VAT1L: variants seen among roughly 807,000 people sequenced by gnomAD.
VAT1L encodes the protein putative NADPH-dependent quinone oxidoreductase VAT1L.
A neutral mutation model predicts 44.1 loss-of-function variants in VAT1L; 34 were observed. That is an observed-to-expected ratio of 0.77 (90% confidence interval 0.59 to 1.03). VAT1L has a LOEUF of 1.03. Among genes scored for constraint, VAT1L ranks in the 50% least tolerant of loss-of-function variants. The pLI is 0.00. For synonymous variants in VAT1L, 253 were observed against 202.2 expected (o/e 1.25, Z -2.13); for missense variants, 615 against 538.8 (o/e 1.14, Z -1.40).
chr16:77,823,906 C>T (rs1251004515), intron 2 of VAT1L, among the ~76,000 whole-genome samples: 2 of 151,986 alleles, frequency 1.3e-5, no homozygotes, highest in Admixed American at 1.3e-4. Flanking sequence ...GCCTGTAATC[C>T]GAGCTACTTG....
chr16:77,888,599 T>C (rs1444320815), intron 7 of VAT1L, among the ~76,000 whole-genome samples: 1 of 152,306 alleles, frequency 6.6e-6, no homozygotes, highest in East Asian at 1.9e-4. Context: ...CTGGGCATGA[T>C]TGAGATTTTG....
At chr16:77,802,615 A>AAC (rs57906062) in intron 1 of VAT1L, among the ~76,000 whole-genome samples, 6,083 of 111,754 alleles carry the variant, frequency 0.054, 186 homozygotes, top group Non-Finnish European at 0.071. Context: ...CCCCATCTCA[A>AAC]ACACACACAC....
chr16:77,903,999 GT>G (rs2017412663), intron 7 of VAT1L, among the ~76,000 whole-genome samples: 1 of 151,904 alleles, frequency 6.6e-6, no homozygotes. Flanking sequence ...GCCTCCCAAA[GT>G]TCTGAGATTA....
chr16:77,899,522 C>T (rs967188218), intron 7 of VAT1L, among the ~76,000 whole-genome samples: 1 of 152,250 alleles, frequency 6.6e-6, no homozygotes, highest in African/African-American at 2.4e-5. Context: ...AAACTGCATG[C>T]TGTGTATGGA....
chr16:77,800,322 A>T (rs532580350), intron 1 of VAT1L: 1 of 152,210 alleles, frequency 6.6e-6, no homozygotes, highest in South Asian at 2.1e-4. Context: ...AGAACCTGCC[A>T]TGCAGGCCCA....
chr16:77,828,036 A>AT (rs2016542603), intron 3 of VAT1L, among the ~76,000 whole-genome samples: 1 of 152,216 alleles, frequency 6.6e-6, no homozygotes, highest in South Asian at 2.1e-4. Context: ...GTCTCTTTGA[A>AT]TAGCGTTCTC....
rs766794432 is a variant in VAT1L, at chr16:77,816,940, T to C, written c.253T>C (p.Leu85=). 15 of 1,613,718 alleles carry C rather than the reference T, an allele frequency of 9.3e-6. No homozygotes were observed. Among genetic ancestry groups the C allele is most frequent in the Non-Finnish European group, 1.3e-5 (15 of 1,179,866 alleles). ...VKACGLNFID[L]MVRQGNIDNP... ...TTACAGTGGATTAAACTTCATTGAC[T>C]TGATGGTGCGACAAGGGAATATTGA... is the stretch of plus-strand genomic sequence containing the variant. The change falls in exon 2 of 9, where the codon TTG becomes CTG. Residue 85 remains leucine, a synonymous_variant. Coordinates refer to ENST00000302536, the MANE Select transcript of VAT1L (RefSeq NM_020927.3).
At chr16:77,928,367 ATTAT>A (rs2017692251) in intron 7 of VAT1L, among the ~76,000 whole-genome samples, 1 of 152,224 alleles carries the variant, frequency 6.6e-6, no homozygotes, top group Admixed American at 6.5e-5. Context: ...TGTGACTGCT[ATTAT>A]TTCTCTCTTA....
At chr16:77,914,532 G>C (rs2017531769) in intron 7 of VAT1L, among the ~76,000 whole-genome samples, 1 of 152,072 alleles carries the variant, frequency 6.6e-6, no homozygotes, top group Non-Finnish European at 1.5e-5. Context: ...GGAAAAAAAT[G>C]TAAATAACGC....
At position 77,926,719 on chromosome 16, in the gene VAT1L, C is replaced by T. The variant is rs181927665; in HGVS notation, c.1077+41917C>T. ...TCACAGTCCTCACCAACCTCTATGC[C>T]CCACTAATGACTCTTCTGAGCAAAT... On this transcript the variant is annotated intron_variant, in intron 7 of 8. Transcript: ENST00000302536. 3.9e-5 allele frequency among the ~76,000 whole-genome samples: 6 copies of T among 152,180 alleles called. No individual in the cohort carries two copies. The East Asian group carries it at 7.7e-4, about 20-fold the overall frequency.
intron 4 of VAT1L, among the ~76,000 whole-genome samples, chr16:77,875,515 T>C (rs1471589250): frequency 2.0e-5 from 3 of 152,160 alleles, no homozygotes; most frequent in African/African-American, 7.2e-5. Context: ...CCCCACAATC[T>C]CCAGAGTCTT....
intron 5 of VAT1L, 61 bp downstream of exon 5, chr16:77,876,534 C>T (rs768982252): frequency 1.0e-5 from 15 of 1,453,538 alleles, no homozygotes; most frequent in Non-Finnish European, 1.4e-5. Context: ...TATGTGCCTG[C>T]AAAGGCTCTG....
intron 7 of VAT1L, among the ~76,000 whole-genome samples, chr16:77,906,545 G>A (rs920822116): frequency 2.0e-5 from 3 of 152,216 alleles, no homozygotes; most frequent in African/African-American, 7.2e-5. Context: ...AAGTGAGGGA[G>A]AAGAAGAGCA....
chr16:77,860,097 G>T (rs2016900953), intron 3 of VAT1L, among the ~76,000 whole-genome samples: 1 of 152,168 alleles, frequency 6.6e-6, no homozygotes, highest in African/African-American at 2.4e-5. Flanking sequence ...ACATCTACAA[G>T]CCGAGGAGAA....
At chr16:77,829,780 C>G (rs2016559904) in intron 3 of VAT1L, among the ~76,000 whole-genome samples, 1 of 152,128 alleles carries the variant, frequency 6.6e-6, no homozygotes, top group Non-Finnish European at 1.5e-5. Flanking sequence ...CGGGTGTGCT[C>G]AGTTTCTGGA....
At chr16:77,838,015 T>C (rs987076169) in intron 3 of VAT1L, among the ~76,000 whole-genome samples, 1 of 152,234 alleles carries the variant, frequency 6.6e-6, no homozygotes, top group Non-Finnish European at 1.5e-5. Flanking sequence ...CTCATCTCCC[T>C]TGGTCTATCT....
At chr16:77,905,222 T>C (rs1325877054) in intron 7 of VAT1L, among the ~76,000 whole-genome samples, 1 of 152,204 alleles carries the variant, frequency 6.6e-6, no homozygotes, top group Non-Finnish European at 1.5e-5. Context: ...TGCAATAATT[T>C]TCCTATGGCT....
intron 7 of VAT1L, among the ~76,000 whole-genome samples, chr16:77,889,825 G>A (rs991401121): frequency 6.6e-6 from 1 of 152,208 alleles, no homozygotes; most frequent in Non-Finnish European, 1.5e-5. Context: ...AGTGGCTTAT[G>A]CCTGTAATCC....
intron 1 of VAT1L, among the ~76,000 whole-genome samples, chr16:77,809,542 T>G (rs1472386489): frequency 1.3e-5 from 2 of 152,154 alleles, no homozygotes; most frequent in African/African-American, 4.8e-5. Context: ...AGTGTGTGCT[T>G]TCACTAAAGA....
Sources: allele counts gnomAD v4.1 joint callset (sites outside exome capture counted in the v4.1 genomes callset), GRCh38; gene constraint gnomAD v4.1.1; transcripts MANE v1.5; gene names NCBI Gene and HGNC (gene_info 2026-07-23, HGNC 2026-07-21).